NDUFA12: variants seen among roughly 807,000 people sequenced by gnomAD.
The protein encoded by NDUFA12 is NADH:ubiquinone oxidoreductase subunit A12.
A neutral mutation model predicts 20.3 loss-of-function variants in NDUFA12; 17 were observed. That is an observed-to-expected ratio of 0.84 (90% confidence interval 0.57 to 1.26). The LOEUF (loss-of-function observed/expected upper bound fraction) is 1.26, where lower values mean the gene tolerates loss of function less well. NDUFA12 is among the 50% of genes most tolerant of loss of function. The probability of loss-of-function intolerance (pLI) is 0.00; values close to 1 mark genes in which losing one functional copy is unlikely to be tolerated. For missense variants in NDUFA12, 191 were observed against 183.7 expected (o/e 1.04, Z -0.23); for synonymous variants, 72 against 63.6 (o/e 1.13, Z -0.63).
At chr12:94,981,957 C>T (rs911633191) in intron 3 of NDUFA12, among the ~76,000 whole-genome samples, 4 of 152,174 alleles carry the variant, frequency 2.6e-5, no homozygotes, top group Admixed American at 2.6e-4. Context: ...ATAAAATGAG[C>T]TCATTTTTCC....
In NDUFA12 at chr12:94,994,207, ATG is replaced by A; in HGVS notation, c.218_219del (p.Thr73IlefsTer12). The A allele has an allele frequency of 6.2e-7, 1 of 1,614,184 alleles. No individual in the cohort carries two copies. Among genetic ancestry groups the A allele is most frequent in the Non-Finnish European group, 8.5e-7 (1 of 1,180,018 alleles). On this transcript the variant is annotated frameshift_variant, in exon 3 of 4. Coordinates refer to ENST00000327772, the MANE Select transcript of NDUFA12 (RefSeq NM_018838.5). LOFTEE classifies it high-confidence loss of function. ...ACCATGCTTCCATCCACATCCCAGA[ATG>A]TGTTTTTGCCATTCATTTCAGTAGT... ...VYTTEMNGKN[T>X]FWDVDGSMVP...
chr12:94,989,009 C>A (rs529749605), intron 3 of NDUFA12, among the ~76,000 whole-genome samples: 1 of 152,214 alleles, frequency 6.6e-6, no homozygotes, highest in South Asian at 2.1e-4. Flanking sequence ...ACTGGCCATA[C>A]TGCTGTTCTT....
chr12:94,973,395 C>T (rs1433928090), intron 3 of NDUFA12, among the ~76,000 whole-genome samples: 1 of 152,136 alleles, frequency 6.6e-6, no homozygotes, highest in Non-Finnish European at 1.5e-5. Flanking sequence ...AGCACACGAG[C>T]GCTGAAGCCC....
intron 3 of NDUFA12, chr12:94,972,421 G>A (rs929062462): frequency 2.7e-5 from 12 of 450,344 alleles, no homozygotes; most frequent in Middle Eastern, 3.8e-4. Context: ...GCTAGAGGCC[G>A]ATTCTGGATT....
At chr12:94,987,012 C>T (rs1319093652) in intron 3 of NDUFA12, among the ~76,000 whole-genome samples, 2 of 152,068 alleles carry the variant, frequency 1.3e-5, no homozygotes, top group Non-Finnish European at 2.9e-5. Context: ...CTTACATAAC[C>T]TCAAAGTGTC....
At chr12:94,981,988 C>A (rs1490801121) in intron 3 of NDUFA12, among the ~76,000 whole-genome samples, 3 of 152,154 alleles carry the variant, frequency 2.0e-5, no homozygotes, top group Non-Finnish European at 4.4e-5. Flanking sequence ...TAATGTTTCC[C>A]ATAAGATTAG....
intron 3 of NDUFA12, among the ~76,000 whole-genome samples, chr12:94,991,147 A>G (rs1345146748): frequency 6.6e-6 from 1 of 151,968 alleles, no homozygotes; most frequent in African/African-American, 2.4e-5. Context: ...TTAGCTGGGC[A>G]TGGTGCCACA....
chr12:94,988,937 C>A (rs1565816717), intron 3 of NDUFA12, among the ~76,000 whole-genome samples: 1 of 152,128 alleles, frequency 6.6e-6, no homozygotes. Flanking sequence ...TGATTTGGGC[C>A]CTAGCTATTT....
intron 3 of NDUFA12, among the ~76,000 whole-genome samples, chr12:94,987,791 C>CAAAAAAAAAAAA (rs61711763): frequency 1.4e-5 from 1 of 69,346 alleles, no homozygotes; most frequent in Non-Finnish European, 2.6e-5. Flanking sequence ...GACATTGTCT[C>CAAAAAAAAAAAA]AAAAAAAAAA....
chr12:94,990,953 T>A (rs972517060), intron 3 of NDUFA12, among the ~76,000 whole-genome samples: 1 of 152,264 alleles, frequency 6.6e-6, no homozygotes, highest in Non-Finnish European at 1.5e-5. Context: ...AAATAAAAAT[T>A]TTAAAATGTC....
chr12:95,002,437 CAAAAAAAAAAA>C (rs71075895), intron 2 of NDUFA12, among the ~76,000 whole-genome samples: 3 of 63,622 alleles, frequency 4.7e-5, no homozygotes, highest in African/African-American at 1.4e-4. Flanking sequence ...GACTCCATCT[CAAAAAAAAAAA>C]AAAAAAAAAA....
chr12:95,000,311 T>C (rs1035929418), intron 2 of NDUFA12, among the ~76,000 whole-genome samples: 41 of 151,978 alleles, frequency 2.7e-4, no homozygotes, highest in African/African-American at 8.9e-4. Context: ...ATAAAGGACT[T>C]TGGGGACTCA....
intron 3 of NDUFA12, among the ~76,000 whole-genome samples, chr12:94,984,930 A>T (rs1373860950): frequency 5.6e-5 from 2 of 35,488 alleles, no homozygotes; most frequent in Non-Finnish European, 1.1e-4. Flanking sequence ...GTGAGTCAAG[A>T]TCGCACCACT....
chr12:94,976,701 G>A (rs12821816), intron 3 of NDUFA12, among the ~76,000 whole-genome samples: 83,248 of 152,034 alleles, frequency 0.55, 23,346 homozygotes, highest in African/African-American at 0.67. Context: ...GGTCAAATGT[G>A]TATCAAAATA....
intron 3 of NDUFA12, among the ~76,000 whole-genome samples, chr12:94,993,638 A>G (rs1189330653): frequency 7.3e-6 from 1 of 136,632 alleles, no homozygotes; most frequent in Non-Finnish European, 1.6e-5. Context: ...AAAAAAAAAA[A>G]AAAAAAAAAA....
At chr12:95,003,297 C>T (rs1394392443) in intron 1 of NDUFA12, among the ~76,000 whole-genome samples, 2 of 152,174 alleles carry the variant, frequency 1.3e-5, no homozygotes, top group Non-Finnish European at 1.5e-5. Context: ...AAAAACTTTA[C>T]CAGGGTCACT....
At chr12:94,977,463 C>T (rs2136059653) in intron 3 of NDUFA12, among the ~76,000 whole-genome samples, 1 of 91,338 alleles carries the variant, frequency 1.1e-5, no homozygotes, top group South Asian at 4.6e-4. Flanking sequence ...AGAGCAAGAC[C>T]TTGTGTCAAA....
At chr12:94,974,574 C>A (rs1413391468) in intron 3 of NDUFA12, among the ~76,000 whole-genome samples, 1 of 152,076 alleles carries the variant, frequency 6.6e-6, no homozygotes, top group Non-Finnish European at 1.5e-5. Flanking sequence ...TTCACAACAG[C>A]CAAAATTTGG....
chr12:94,998,639 A>T (rs1874914763), intron 2 of NDUFA12, among the ~76,000 whole-genome samples: 1 of 152,260 alleles, frequency 6.6e-6, no homozygotes, highest in South Asian at 2.1e-4. Context: ...AAGTTTCAGG[A>T]TACTAAATCA....
Sources: gnomAD v4.1 joint callset for allele counts (sites outside exome capture counted in the v4.1 genomes callset) on GRCh38, gnomAD v4.1.1 for gene constraint, MANE v1.5 for transcripts, NCBI Gene and HGNC (gene_info 2026-07-23, HGNC 2026-07-21) for gene names.